Variants in GPSM1 observed in about 807,000 individuals in gnomAD.
GPSM1 encodes the protein G protein signaling modulator 1, also known as G protein-signaling modulator 1.
GPSM1 carries 48 observed loss-of-function variants against 70.5 expected under a neutral mutation model. The observed-to-expected ratio is 0.68, with a 90% confidence interval of 0.54 to 0.87. The LOEUF is 0.87. Ranked by LOEUF, GPSM1 falls within the 40% of genes least tolerant of loss-of-function variation. The probability of loss-of-function intolerance (pLI) is 0.00; values close to 1 mark genes in which losing one functional copy is unlikely to be tolerated. For missense variants in GPSM1, 981 were observed against 972.6 expected, an observed-to-expected ratio of 1.01 and a Z score of -0.11; for synonymous variants, 416 against 430.1, an observed-to-expected ratio of 0.97 and a Z score of 0.41.
chr9:136,346,352 C>T (rs1451078847), intron 9 of GPSM1, among the ~76,000 whole-genome samples: 1 of 150,764 alleles, frequency 6.6e-6, no homozygotes, highest in Non-Finnish European at 1.5e-5. Flanking sequence ...TCAGCTCCCT[C>T]TGCTCCTGTC....
At chr9:136,335,917 A>AGGCCTGACCAGTCCTC (rs1564342921) in intron 2 of GPSM1, 49 bp from the exon 3 acceptor site, 2 of 1,586,592 alleles carry the variant, frequency 1.3e-6, no homozygotes, top group Non-Finnish European at 1.7e-6. Flanking sequence ...CCGGGCCCAG[A>AGGCCTGACCAGTCCTC]GGCCTGACCA....
Position 136,358,616 on chromosome 9 carries a change from C to T in GPSM1, c.*396C>T, listed in dbSNP as rs10870125. The T allele has an allele frequency of 0.12, 39,524 of 323,070 alleles. 2,874 individuals carry two copies. Among genetic ancestry groups the T allele is most frequent in the East Asian group, 0.24 (2,528 of 10,596 alleles). 20.0% of individuals were successfully genotyped at this position (323,070 alleles called of 1,614,324 possible). A position where few individuals can be genotyped will look rare whatever the true frequency, so the allele number is the denominator to read the frequency against. On this transcript the variant is annotated 3_prime_UTR_variant, in exon 14 of 14. Transcript: ENST00000440944. ...GTCTCTGAGCCGCCTCTTGGGGCCA[C>T]CAAGGACAGGGCCATGTTCTGTCCC... is the stretch of plus-strand genomic sequence containing the variant.
chr9:136,338,489 A>G lies in GPSM1; in HGVS notation c.819-66A>G, dbSNP rs553491112. 3.3e-6 allele frequency: 5 copies of G among 1,495,074 alleles called. No individual in the cohort carries two copies. The Admixed American group carries it at 5.9e-5, about 18-fold the overall frequency. The allele number at this position is 1,495,074 out of a possible 1,614,324, so 92.6% of individuals were successfully genotyped here. A position where few individuals can be genotyped will look rare whatever the true frequency, so the allele number is the denominator to read the frequency against. ...GGACCATCGGGCAGACTGCGTCCCC[A>G]TTCTTACCTTCCACCCCTCACCCTG... On this transcript the variant is annotated intron_variant, in intron 6 of 13. Coordinates refer to ENST00000440944, the MANE Select transcript of GPSM1 (RefSeq NM_001145638.3).
Position 136,348,731 on chromosome 9 carries a change from G to C in GPSM1, c.1242G>C (p.Ala414=). The C allele has an allele frequency of 2.5e-6, 4 of 1,612,316 alleles. No individual in the cohort carries two copies. The highest frequency in any genetic ancestry group is 3.4e-6 in the Non-Finnish European group (4 of 1,179,574). ...CCAAGAGGACGCAGAGGCTGAGCGC[G>C]GAGACCTGGGACCTGCTGAGACTCC... The part of the protein sequence containing the change: ...ARPKRTQRLS[A]ETWDLLRLPL... Residue 414 remains alanine, a synonymous_variant, in exon 10 of 14, where the codon GCG becomes GCC. Coordinates refer to ENST00000440944, the MANE Select transcript of GPSM1 (RefSeq NM_001145638.3).
chr9:136,336,913 G>A lies in GPSM1; in HGVS notation c.427-8G>A, dbSNP rs1564343792. 2 of 1,551,982 alleles carry A rather than the reference G, an allele frequency of 1.3e-6. No individual in the cohort carries two copies. The highest frequency in any genetic ancestry group is 4.9e-5 in the East Asian group (2 of 41,042). ...AGGCATGCCCCCAACCCTCCGTACT[G>A]CCCACAGGTTGGGGAGGCGAGGGCC... is the stretch of plus-strand genomic sequence containing the variant. On this transcript the variant is annotated splice_polypyrimidine_tract_variant and splice_region_variant and intron_variant, in intron 3 of 13. Coordinates refer to ENST00000440944, the MANE Select transcript of GPSM1 (RefSeq NM_001145638.3).
At chr9:136,352,657 A>G (rs1431733079) in intron 11 of GPSM1, among the ~76,000 whole-genome samples, 2 of 152,232 alleles carry the variant, frequency 1.3e-5, no homozygotes, top group African/African-American at 4.8e-5. Flanking sequence ...AGAGGAGTCC[A>G]GATGAGGACA....
chr9:136,340,635 G>A lies in GPSM1; in HGVS notation c.1084-235G>A, dbSNP rs1832365053. Among the ~76,000 whole-genome samples the A allele has an allele frequency of 6.6e-6, 1 of 152,062 alleles. No homozygotes were observed. Among genetic ancestry groups the A allele is most frequent in the Non-Finnish European group, 1.5e-5 (1 of 67,984 alleles). The stretch of plus-strand genomic sequence containing the variant: ...GCCTGGGACCCCAAGCATCTCTGGG[G>A]TGAACTAGGGGCTGTTGAGGACCTG... On this transcript the variant is annotated intron_variant, in intron 8 of 13. Coordinates refer to ENST00000440944, the MANE Select transcript of GPSM1 (RefSeq NM_001145638.3). The surrounding 1 kb of genome is among the most constrained non-coding windows in gnomAD (Gnocchi z 7.3).
rs190615714 is a variant in GPSM1, at chr9:136,349,987, G to A, written c.1455+224G>A. On this transcript the variant is annotated intron_variant, in intron 11 of 13. Transcript: ENST00000440944. Reference sequence around the variant, plus strand: ...GGTCGCACCTGGCCTCAGAGGCCCCGGCCACCGAGGAGCCTCCTGGGGACT... The same window carrying A: ...GGTCGCACCTGGCCTCAGAGGCCCCAGCCACCGAGGAGCCTCCTGGGGACT... Among the ~76,000 whole-genome samples the A allele has an allele frequency of 1.2e-3, 188 of 152,340 alleles. 1 individual carries two copies. Among genetic ancestry groups the A allele is most frequent in the African/African-American group, 4.1e-3 (169 of 41,584 alleles).
In GPSM1 at chr9:136,349,624, G is replaced by T. The variant is rs1234656510; in HGVS notation, c.1316G>T (p.Arg439Leu). The T allele has an allele frequency of 6.5e-7, 1 of 1,549,892 alleles. No individual in the cohort carries two copies. The highest frequency in any genetic ancestry group is 8.7e-7 in the Non-Finnish European group (1 of 1,146,608). The stretch of plus-strand genomic sequence containing the variant: ...GACAGCCACCATTCAGGGGACTGGC[G>T]GGGGCCCAGCAGGGACTCGCTACCC... ...NGDSHHSGDW[R>L]GPSRDSLPLP... The change falls in exon 11 of 14, where the codon CGG (arginine) becomes CTG (leucine). Residue 439 changes from arginine to leucine, a missense_variant. Physicochemically the swap from Arg to Leu is moderately radical, Grantham distance 102. Transcript: ENST00000440944.
intron 7 of GPSM1, 115 bp from the exon 8 acceptor site, chr9:136,339,592 C>T: frequency 1.4e-6 from 1 of 701,628 alleles, no homozygotes; most frequent in Non-Finnish European, 2.5e-6. Flanking sequence ...GCCTGGGGGC[C>T]CCTGATGACC....
intron 11 of GPSM1, chr9:136,354,907 AAG>A (rs1313505108): frequency 2.7e-5 from 27 of 1,015,928 alleles, no homozygotes; most frequent in Non-Finnish European, 3.2e-5. Context: ...GATGTCTGGG[AAG>A]TGTTCCAGGC....
At chr9:136,346,760 C>T (rs1339762595) in intron 9 of GPSM1, among the ~76,000 whole-genome samples, 3 of 152,224 alleles carry the variant, frequency 2.0e-5, no homozygotes, top group Admixed American at 6.5e-5. Context: ...TAAATCAGGG[C>T]CCTGCTGAGG....
rs1554772257 is a variant in GPSM1, at chr9:136,352,199, TGCTGCGCCGTTGCTGTTGGTG to T, written c.1455+2437_1455+2457del. ...GCGCCGTTGCTGTTGGTGACACCGA[TGCTGCGCCGTTGCTGTTGGTG>T]ACACCGATGCTGCGCCGTTGCTGTT... On this transcript the variant is annotated intron_variant, in intron 11 of 13. Coordinates refer to ENST00000440944, the MANE Select transcript of GPSM1 (RefSeq NM_001145638.3). 1.2e-3 allele frequency among the ~76,000 whole-genome samples: 47 copies of T among 39,152 alleles called. 2 individuals are homozygous for T. Among genetic ancestry groups the T allele is most frequent in the African/African-American group, 4.5e-3 (41 of 9,084 alleles). The allele number at this position is 39,152 out of a possible 152,430, so 25.7% of individuals were successfully genotyped here. A position where few individuals can be genotyped will look rare whatever the true frequency, so the allele number is the denominator to read the frequency against.
At position 136,343,009 on chromosome 9, in the gene GPSM1, C is replaced by T. The variant is rs1162627621; in HGVS notation, c.1207+2016C>T. On this transcript the variant is annotated intron_variant, in intron 9 of 13. Coordinates refer to ENST00000440944, the MANE Select transcript of GPSM1 (RefSeq NM_001145638.3). The surrounding 1 kb of genome is among the most constrained non-coding windows in gnomAD (Gnocchi z 6.0). ...CCGTTGATAAACACAAGGAGACTTA[C>T]GTGCGGCTGGAGGACAAAGAGCCTT... Among the ~76,000 whole-genome samples, 2 of 152,106 alleles carry T rather than the reference C, an allele frequency of 1.3e-5. No homozygotes were observed. The highest frequency in any genetic ancestry group is 2.9e-5 in the Non-Finnish European group (2 of 67,992).
chr9:136,331,364 G>GCCGC (rs1554768447), intron 1 of GPSM1, among the ~76,000 whole-genome samples: 1 of 126,594 alleles, frequency 7.9e-6, no homozygotes, highest in African/African-American at 3.1e-5. Flanking sequence ...AGGACTCTGA[G>GCCGC]CCCCCCCCCC....
At chr9:136,329,624 GC>G (rs1832055648) in intron 1 of GPSM1, among the ~76,000 whole-genome samples, 1 of 152,158 alleles carries the variant, frequency 6.6e-6, no homozygotes, top group Non-Finnish European at 1.5e-5. Context: ...CTCCAGGTTG[GC>G]CCAAGGTCTC....
chr9:136,332,032 C>T lies in GPSM1; in HGVS notation c.69-2415C>T, dbSNP rs561213058. The T allele has an allele frequency of 4.5e-5, 18 of 398,652 alleles. No homozygotes were observed. In the Admixed American group the frequency reaches 7.0e-4, roughly 16 times the overall value. The allele number at this position is 398,652 out of a possible 1,614,324, so 24.7% of individuals were successfully genotyped here. A position where few individuals can be genotyped will look rare whatever the true frequency, so the allele number is the denominator to read the frequency against. On this transcript the variant is annotated intron_variant, in intron 1 of 13. Coordinates refer to ENST00000440944, the MANE Select transcript of GPSM1 (RefSeq NM_001145638.3). ...ATGCCATCCCCTGCTGGGGAGGGCC[C>T]GCCTCTGGCCCTGAGCTTGGCGGAG...
intron 1 of GPSM1, 149 bp from the exon 2 acceptor site, chr9:136,334,298 T>A (rs989782404): frequency 6.3e-6 from 4 of 634,134 alleles, no homozygotes; most frequent in Admixed American, 2.7e-5. Flanking sequence ...CAGGCCTGTA[T>A]CCCAAAGAGA....
rs1832446210 is a variant in GPSM1 at position 136,343,572 on chromosome 9, G to A, written c.1207+2579G>A. ...AGAAGTCCCCTGAACGTCCCAACGA[G>A]TGGCCTTGGGGTCAGGGATGTGCAT... On this transcript the variant is annotated intron_variant, in intron 9 of 13. Coordinates refer to ENST00000440944, the MANE Select transcript of GPSM1 (RefSeq NM_001145638.3). This position sits in a 1 kb window ranked among gnomAD's most constrained non-coding sequence, Gnocchi z 6.0. Among the ~76,000 whole-genome samples the A allele has an allele frequency of 1.3e-5, 2 of 152,200 alleles. 1 individual carries two copies. The highest frequency in any genetic ancestry group is 4.1e-4 in the South Asian group (2 of 4,836).
Sources: allele counts gnomAD v4.1 joint callset (sites outside exome capture counted in the v4.1 genomes callset), GRCh38; gene constraint gnomAD v4.1.1; non-coding constraint Gnocchi (gnomAD v3.1); transcripts MANE v1.5; gene names NCBI Gene and HGNC (gene_info 2026-07-23, HGNC 2026-07-21).